CSGALNACT1: variants seen among roughly 807,000 people sequenced by gnomAD.
CSGALNACT1 encodes the protein beta4GalNAcT-1.
Under a neutral mutation model 51.0 loss-of-function variants are expected in CSGALNACT1, and 52 were observed. The ratio of observed to expected loss-of-function variants is 1.02; its 90% CI spans 0.82 to 1.29. CSGALNACT1 has a LOEUF of 1.29. Among genes scored for constraint, CSGALNACT1 ranks in the 50% most tolerant of loss-of-function variants. The pLI is 0.00. For synonymous variants in CSGALNACT1, 341 were observed against 254.4 expected (o/e 1.34, Z -3.24); for missense variants, 935 against 679.2 (o/e 1.38, Z -4.19).
At chr8:19,438,057 C>A (rs974592756) in intron 6 of CSGALNACT1, among the ~76,000 whole-genome samples, 1 of 152,144 alleles carries the variant, frequency 6.6e-6, no homozygotes, top group South Asian at 2.1e-4. Flanking sequence ...AATGTGGTTA[C>A]GTGTAACCGT....
Position 19,728,536 on chromosome 8 carries a change from G to T in CSGALNACT1, c.-297+29314C>A, listed in dbSNP as rs937264335. 4.0e-5 allele frequency among the ~76,000 whole-genome samples: 6 copies of T among 149,376 alleles called. No homozygotes were observed. In the East Asian group the frequency reaches 1.0e-3, roughly 25 times the overall value. On this transcript the variant is annotated intron_variant, in intron 1 of 1. Transcript: ENST00000517494. ...CTATTTCAGGGTTCTGTGAGTTTAG[G>T]TCAGACTTATAATCCTATTTGCACA...
chr8:19,431,737 C>G (rs924126768), intron 6 of CSGALNACT1, among the ~76,000 whole-genome samples: 3 of 152,002 alleles, frequency 2.0e-5, no homozygotes, highest in Admixed American at 2.0e-4. Context: ...TTTTGACACA[C>G]TAGTGTTAAT....
At chr8:19,471,529 T>C (rs1031039596) in intron 4 of CSGALNACT1, among the ~76,000 whole-genome samples, 3 of 152,168 alleles carry the variant, frequency 2.0e-5, no homozygotes, top group Non-Finnish European at 4.4e-5. Flanking sequence ...GTTTTTCTGC[T>C]TCATGCCCCT....
intron 1 of CSGALNACT1, among the ~76,000 whole-genome samples, chr8:19,661,117 T>C (rs562264158): frequency 4.6e-5 from 7 of 151,682 alleles, no homozygotes; most frequent in Admixed American, 1.3e-4. Context: ...GATTTCACCA[T>C]GTTGGCCAGG....
intron 1 of CSGALNACT1, among the ~76,000 whole-genome samples, chr8:19,713,494 G>GTT: frequency 6.6e-6 from 1 of 152,240 alleles, no homozygotes; most frequent in South Asian, 2.1e-4. Context: ...TCCTTTTTTG[G>GTT]AAATAAGGTT....
At chr8:19,408,804 T>A (rs552589745) in intron 8 of CSGALNACT1, 110 bp from the exon 8 acceptor site, 2 of 914,370 alleles carry the variant, frequency 2.2e-6, no homozygotes, top group Non-Finnish European at 3.6e-6. Flanking sequence ...CCATCACTGA[T>A]AAACAGCCTC....
At chr8:19,453,265 A>C (rs949228443) in intron 5 of CSGALNACT1, among the ~76,000 whole-genome samples, 3 of 152,230 alleles carry the variant, frequency 2.0e-5, no homozygotes, top group Non-Finnish European at 1.5e-5. Context: ...AGAGAAAACA[A>C]TAAAACAACA....
At chr8:19,666,189 G>A (rs554309690) in intron 1 of CSGALNACT1, among the ~76,000 whole-genome samples, 150 of 152,292 alleles carry the variant, frequency 9.8e-4, no homozygotes, top group African/African-American at 3.4e-3. Flanking sequence ...AAGGAACAAG[G>A]TATTCTAACA....
intron 5 of CSGALNACT1, among the ~76,000 whole-genome samples, chr8:19,453,819 C>G (rs748579835): frequency 2.0e-5 from 3 of 151,518 alleles, no homozygotes; most frequent in Admixed American, 6.6e-5. Context: ...GGCTGAGGTA[C>G]GAGAAGCACT....
intron 3 of CSGALNACT1, among the ~76,000 whole-genome samples, chr8:19,514,612 G>C (rs1341938355): frequency 6.7e-6 from 1 of 148,970 alleles, no homozygotes; most frequent in Non-Finnish European, 1.5e-5. Flanking sequence ...CTTGAGGTTA[G>C]GAGTTTGAGA....
intron 3 of CSGALNACT1, among the ~76,000 whole-genome samples, chr8:19,545,015 T>C (rs1011394004): frequency 8.0e-5 from 12 of 150,774 alleles, no homozygotes; most frequent in Admixed American, 3.3e-4. Flanking sequence ...TTTTTTTTTT[T>C]CCAATAACTT....
intron 5 of CSGALNACT1, among the ~76,000 whole-genome samples, chr8:19,443,006 G>A (rs575585065): frequency 9.2e-5 from 14 of 152,226 alleles, no homozygotes; most frequent in Admixed American, 3.3e-4. Context: ...TCTCCTCTCC[G>A]TGACTCTAAC....
Position 19,642,898 on chromosome 8 carries a change from T to C in CSGALNACT1, c.-544+39575A>G, listed in dbSNP as rs145038948. ...TCTATAGAAGAAAAATCAAGTCAGA[T>C]TTTTCTCCATTTCAAAATATAATTC... On this transcript the variant is annotated intron_variant, in intron 1 of 9. Transcript: ENST00000332246. Among the ~76,000 whole-genome samples the C allele has an allele frequency of 4.5e-3, 679 of 152,114 alleles. 3 individuals carry two copies. The highest frequency in any genetic ancestry group is 0.015 in the African/African-American group (643 of 41,510).
At chr8:19,643,412 G>A (rs1471049866) in intron 1 of CSGALNACT1, among the ~76,000 whole-genome samples, 1 of 152,154 alleles carries the variant, frequency 6.6e-6, no homozygotes, top group East Asian at 1.9e-4. Flanking sequence ...CAAGGCAGTA[G>A]GATGACTTGA....
At chr8:19,661,568 G>A (rs1251639092) in intron 1 of CSGALNACT1, among the ~76,000 whole-genome samples, 1 of 152,186 alleles carries the variant, frequency 6.6e-6, no homozygotes, top group African/African-American at 2.4e-5. Flanking sequence ...TTCCCGCTAT[G>A]TGGAGTTTAA....
intron 4 of CSGALNACT1, among the ~76,000 whole-genome samples, chr8:19,487,114 T>A (rs76887039): frequency 1.3e-5 from 2 of 152,150 alleles, no homozygotes; most frequent in African/African-American, 4.8e-5. Context: ...ATTGCCTCAA[T>A]TTTTTCTCAA....
At chr8:19,720,665 C>G (rs2063070260) in intron 1 of CSGALNACT1, among the ~76,000 whole-genome samples, 1 of 152,122 alleles carries the variant, frequency 6.6e-6, no homozygotes, top group South Asian at 2.1e-4. Flanking sequence ...CTGATTCTCT[C>G]TCTCCACCCT....
At chr8:19,538,196 G>A (rs1248837569) in intron 3 of CSGALNACT1, among the ~76,000 whole-genome samples, 1 of 152,106 alleles carries the variant, frequency 6.6e-6, no homozygotes, top group Non-Finnish European at 1.5e-5. Context: ...AGGCATGGTG[G>A]CATGTGCCTG....
chr8:19,630,959 T>A (rs73597292), intron 1 of CSGALNACT1, among the ~76,000 whole-genome samples: 1 of 152,206 alleles, frequency 6.6e-6, no homozygotes, highest in Non-Finnish European at 1.5e-5. Context: ...CGAGCCAATA[T>A]TGACATGTTA....
Sources: gnomAD v4.1 joint callset for allele counts (sites outside exome capture counted in the v4.1 genomes callset) on GRCh38, gnomAD v4.1.1 for gene constraint, MANE v1.5 for transcripts, NCBI Gene and HGNC (gene_info 2026-07-23, HGNC 2026-07-21) for gene names.